Variants in AGBL4 observed in about 807,000 individuals in gnomAD.
AGBL4 encodes cytosolic carboxypeptidase 6.
Under a neutral mutation model 66.4 loss-of-function variants are expected in AGBL4, and 58 were observed. The ratio of observed to expected loss-of-function variants is 0.87; its 90% CI spans 0.71 to 1.09. The LOEUF (loss-of-function observed/expected upper bound fraction) is 1.09, where lower values mean the gene tolerates loss of function less well. Among genes scored for constraint, AGBL4 ranks in the 50% least tolerant of loss-of-function variants. The probability of loss-of-function intolerance (pLI) is 0.00; values close to 1 mark genes in which losing one functional copy is unlikely to be tolerated. For synonymous variants in AGBL4, 234 were observed against 222.9 expected (o/e 1.05, Z -0.44); for missense variants, 579 against 631.0 (o/e 0.92, Z 0.88).
intron 1 of AGBL4, among the ~76,000 whole-genome samples, chr1:49,970,894 T>C (rs1041041772): frequency 2.6e-5 from 4 of 152,160 alleles, no homozygotes; most frequent in South Asian, 2.1e-4. Context: ...TTCAAAGTTA[T>C]ATAACTCCTT....
chr1:49,684,883 T>C (rs899760233), intron 3 of AGBL4, among the ~76,000 whole-genome samples: 9 of 152,208 alleles, frequency 5.9e-5, no homozygotes, highest in Admixed American at 5.9e-4. Flanking sequence ...TTAAAAGTGA[T>C]AAACTTTCAT....
intron 2 of AGBL4, among the ~76,000 whole-genome samples, chr1:49,741,024 G>A (rs1650403203): frequency 6.6e-6 from 1 of 152,112 alleles, no homozygotes; most frequent in African/African-American, 2.4e-5. Context: ...TCAAAAGCTA[G>A]CAGAAGGCAA....
intron 2 of AGBL4, among the ~76,000 whole-genome samples, chr1:49,765,947 T>A (rs767126478): frequency 6.6e-6 from 1 of 152,098 alleles, no homozygotes; most frequent in Non-Finnish European, 1.5e-5. Flanking sequence ...TGTAAAGTGA[T>A]GAAATCTATG....
intron 1 of AGBL4, among the ~76,000 whole-genome samples, chr1:50,019,406 C>T (rs959716798): frequency 1.3e-5 from 2 of 150,972 alleles, no homozygotes; most frequent in African/African-American, 4.9e-5. Flanking sequence ...CTTTCCATAA[C>T]TTATCTCTAA....
intron 1 of AGBL4, among the ~76,000 whole-genome samples, chr1:49,991,843 G>C (rs994450813): frequency 5.3e-5 from 8 of 152,020 alleles, no homozygotes; most frequent in African/African-American, 1.2e-4. Context: ...GAGTCAACTA[G>C]ATCTGAATTA....
chr1:48,965,217 T>C (rs1172498916), intron 5 of AGBL4, among the ~76,000 whole-genome samples: 2 of 152,040 alleles, frequency 1.3e-5, no homozygotes, highest in Non-Finnish European at 2.9e-5. Flanking sequence ...GGATACAGGA[T>C]TGCAAAGATA....
intron 1 of AGBL4, among the ~76,000 whole-genome samples, chr1:50,015,136 A>G (rs1317355384): frequency 6.6e-6 from 1 of 152,086 alleles, no homozygotes; most frequent in African/African-American, 2.4e-5. Context: ...TCTGCCTACC[A>G]CTTCCACTGG....
intron 3 of AGBL4, among the ~76,000 whole-genome samples, chr1:49,569,233 T>G (rs546860332): frequency 2.0e-5 from 3 of 151,990 alleles, no homozygotes; most frequent in Admixed American, 6.6e-5. Context: ...CTGGGAAGGG[T>G]AGTTGGGGGC....
intron 6 of AGBL4, among the ~76,000 whole-genome samples, chr1:48,859,246 T>A (rs530229891): frequency 6.6e-6 from 1 of 152,244 alleles, no homozygotes; most frequent in Admixed American, 6.5e-5. Flanking sequence ...TGCAAATCCA[T>A]CCCGAAGGTT....
chr1:49,009,308 C>A (rs1248089890), intron 5 of AGBL4, among the ~76,000 whole-genome samples: 1 of 152,114 alleles, frequency 6.6e-6, no homozygotes, highest in African/African-American at 2.4e-5. Context: ...GACACATACA[C>A]CCTCCCAAGA....
At chr1:48,691,613 T>C (rs546681274) in intron 6 of AGBL4, among the ~76,000 whole-genome samples, 16 of 152,088 alleles carry the variant, frequency 1.1e-4, no homozygotes, top group African/African-American at 3.9e-4. Flanking sequence ...GAGTATCTCC[T>C]CCCTTGTTCT....
At chr1:49,970,568 T>C (rs11205670) in intron 1 of AGBL4, among the ~76,000 whole-genome samples, 144,517 of 151,900 alleles carry the variant, frequency 0.95, 69,116 homozygotes, top group East Asian at 1. Context: ...TGGTGGTGCA[T>C]GCCTGTAATC....
chr1:48,792,552 C>T (rs1645576038), intron 6 of AGBL4, among the ~76,000 whole-genome samples: 1 of 152,034 alleles, frequency 6.6e-6, no homozygotes, highest in South Asian at 2.1e-4. Flanking sequence ...TTGTGAGCCT[C>T]GATATTCATG....
intron 3 of AGBL4, among the ~76,000 whole-genome samples, chr1:49,579,122 G>C (rs533799883): frequency 1.3e-5 from 2 of 152,310 alleles, no homozygotes; most frequent in Admixed American, 6.5e-5. Flanking sequence ...TCAGTTTTGA[G>C]ATTCAGACTG....
intron 5 of AGBL4, among the ~76,000 whole-genome samples, chr1:48,914,009 A>T (rs1308135833): frequency 6.6e-6 from 1 of 152,180 alleles, no homozygotes; most frequent in Non-Finnish European, 1.5e-5. Flanking sequence ...TCAAGTGGGA[A>T]GTTGGAGGAA....
intron 6 of AGBL4, among the ~76,000 whole-genome samples, chr1:48,801,541 T>C (rs779437555): frequency 1.3e-5 from 2 of 152,304 alleles, no homozygotes; most frequent in Non-Finnish European, 2.9e-5. Context: ...GCTTTTCCCA[T>C]AGTTTTTTCT....
intron 1 of AGBL4, among the ~76,000 whole-genome samples, chr1:49,858,827 C>A (rs1444480850): frequency 6.6e-6 from 1 of 152,060 alleles, no homozygotes; most frequent in Non-Finnish European, 1.5e-5. Flanking sequence ...ACCAGCCTGG[C>A]CAACATGACA....
At chr1:49,700,483 A>G (rs1391552127) in intron 2 of AGBL4, among the ~76,000 whole-genome samples, 2 of 152,082 alleles carry the variant, frequency 1.3e-5, no homozygotes, top group Non-Finnish European at 2.9e-5. Flanking sequence ...AAGGATTGAG[A>G]TAATTTGAAA....
chr1:48,711,062 CT>C (rs113070472), intron 6 of AGBL4, among the ~76,000 whole-genome samples: 2,368 of 152,306 alleles, frequency 0.016, 58 homozygotes, highest in African/African-American at 0.054. Flanking sequence ...CTGCTCACCC[CT>C]GATCACCCTT....
Sources: gnomAD v4.1 joint callset for allele counts (sites outside exome capture counted in the v4.1 genomes callset) on GRCh38, gnomAD v4.1.1 for gene constraint, MANE v1.5 for transcripts, NCBI Gene and HGNC (gene_info 2026-07-23, HGNC 2026-07-21) for gene names.